Variants in B4GALT5 observed in about 807,000 individuals in gnomAD.
B4GALT5 encodes beta-1,4-galactosyltransferase 5, also known as UDP-Gal:beta-GlcNAc beta-1,4-galactosyltransferase 5.
In B4GALT5, 11 loss-of-function variants were observed where a neutral mutation model predicts 45.0. The ratio of observed to expected loss-of-function variants is 0.24; its 90% CI spans 0.15 to 0.40. The LOEUF (loss-of-function observed/expected upper bound fraction) is 0.40, where lower values mean the gene tolerates loss of function less well. Ranked by LOEUF, B4GALT5 falls within the 10% of genes least tolerant of loss-of-function variation. The pLI is 1.00. For missense variants in B4GALT5, 337 were observed against 500.2 expected, an observed-to-expected ratio of 0.67 and a Z score of 3.11; for synonymous variants, 185 against 182.9, an observed-to-expected ratio of 1.01 and a Z score of -0.09.
intron 3 of B4GALT5, among the ~76,000 whole-genome samples, chr20:49,643,941 T>C (rs1161489676): frequency 7.0e-6 from 1 of 143,618 alleles, no homozygotes; most frequent in Non-Finnish European, 1.5e-5. Flanking sequence ...TTTTTTTTTT[T>C]TTTTTTTGAG....
chr20:49,692,422 G>GCAT (rs1357716915), intron 1 of B4GALT5, among the ~76,000 whole-genome samples: 2 of 152,026 alleles, frequency 1.3e-5, no homozygotes, highest in African/African-American at 4.8e-5. Flanking sequence ...AGCTATGATC[G>GCAT]CATCACTGCA....
In B4GALT5 at chr20:49,634,357, T is replaced by C. The variant is rs566479278; in HGVS notation, c.*1955A>G. 6.6e-6 allele frequency: 1 copy of C among 152,282 alleles called. No homozygotes were observed. The highest frequency in any genetic ancestry group is 1.5e-5 in the Non-Finnish European group (1 of 67,996). The allele number at this position is 152,282 out of a possible 1,614,324, so 9.4% of individuals were successfully genotyped here. A position where few individuals can be genotyped will look rare whatever the true frequency, so the allele number is the denominator to read the frequency against. On this transcript the variant is annotated 3_prime_UTR_variant, in exon 9 of 9. Transcript: ENST00000371711. ...ATGTAAACTATGAAAATCAAGGAAGTTGAAGGCAAACAAGGCAATTAAAAA... is the reference window on the plus strand; with the variant it reads ...ATGTAAACTATGAAAATCAAGGAAGCTGAAGGCAAACAAGGCAATTAAAAA...
At chr20:49,666,282 C>G (rs1410687511) in intron 1 of B4GALT5, among the ~76,000 whole-genome samples, 3 of 152,216 alleles carry the variant, frequency 2.0e-5, no homozygotes, top group Non-Finnish European at 4.4e-5. Context: ...ACCACATCTC[C>G]ATGGCATGTA....
chr20:49,637,178 A>G (rs1198273231), intron 8 of B4GALT5, among the ~76,000 whole-genome samples, 163 bp downstream of exon 8: 4 of 152,142 alleles, frequency 2.6e-5, no homozygotes, highest in Non-Finnish European at 4.4e-5. Context: ...TGATCCCCAC[A>G]CTGTTCTGCC....
In B4GALT5 at chr20:49,699,201, C is replaced by G. The variant is rs2085851311; in HGVS notation, c.115+14375G>C. ...GACAATGACAATCAGTACTGATTGC[C>G]TTATGTTTATCAACTTTTTCATCTA... is the stretch of plus-strand genomic sequence containing the variant. On this transcript the variant is annotated intron_variant, in intron 1 of 8. Coordinates refer to ENST00000371711, the MANE Select transcript of B4GALT5 (RefSeq NM_004776.4). 2.6e-5 allele frequency among the ~76,000 whole-genome samples: 4 copies of G among 152,106 alleles called. 1 individual carries two copies. In the South Asian group the frequency reaches 8.3e-4, roughly 32 times the overall value.
chr20:49,640,129 C>T (rs952745799), intron 6 of B4GALT5, among the ~76,000 whole-genome samples: 2 of 152,170 alleles, frequency 1.3e-5, no homozygotes, highest in Non-Finnish European at 2.9e-5. Context: ...TTAGCAATCA[C>T]CCCCTGCTCC....
chr20:49,665,080 G>T (rs1396091959), intron 1 of B4GALT5, among the ~76,000 whole-genome samples: 1 of 152,096 alleles, frequency 6.6e-6, no homozygotes, highest in Non-Finnish European at 1.5e-5. Flanking sequence ...AAAGTAAAGT[G>T]GCCACTTACT....
intron 1 of B4GALT5, among the ~76,000 whole-genome samples, chr20:49,706,599 T>A (rs975143210): frequency 1.3e-5 from 2 of 152,206 alleles, no homozygotes; most frequent in Non-Finnish European, 2.9e-5. Flanking sequence ...CTCACAATTT[T>A]CTACAAAACA....
chr20:49,683,928 G>A (rs910120810), intron 1 of B4GALT5, among the ~76,000 whole-genome samples: 3 of 150,056 alleles, frequency 2.0e-5, no homozygotes, highest in Non-Finnish European at 4.4e-5. Flanking sequence ...ATCACTTGAG[G>A]TCAGAAGTTT....
chr20:49,655,988 T>A (rs897196498), intron 2 of B4GALT5, among the ~76,000 whole-genome samples: 1 of 151,810 alleles, frequency 6.6e-6, no homozygotes, highest in Non-Finnish European at 1.5e-5. Flanking sequence ...ATGCTATAGT[T>A]TAAATGTCTG....
chr20:49,647,245 A>C (rs1281638034), intron 2 of B4GALT5, among the ~76,000 whole-genome samples, 167 bp from the exon 3 acceptor site: 1 of 152,200 alleles, frequency 6.6e-6, no homozygotes, highest in African/African-American at 2.4e-5. Flanking sequence ...CCATCAATAA[A>C]AATGTCAGCC....
Position 49,659,511 on chromosome 20 carries a change from ATAAATTAAC to A in B4GALT5, c.116-2818_116-2810del, listed in dbSNP as rs1163308232. Among the ~76,000 whole-genome samples the A allele has an allele frequency of 6.6e-4, 100 of 152,354 alleles. 1 individual carries two copies. Among genetic ancestry groups the A allele is most frequent in the Non-Finnish European group, 1.8e-4 (12 of 68,036 alleles). ...TCGTGTTAGTCTCGTCATTCAACTA[ATAAATTAAC>A]GTAAACCACATAGTATTTTTTTTTC... On this transcript the variant is annotated intron_variant, in intron 1 of 8. Coordinates refer to ENST00000371711, the MANE Select transcript of B4GALT5 (RefSeq NM_004776.4).
chr20:49,636,935 C>CACACACACACAAAG (rs1174696775), intron 8 of B4GALT5, among the ~76,000 whole-genome samples: 1 of 151,624 alleles, frequency 6.6e-6, no homozygotes. Flanking sequence ...CACACACACA[C>CACACACACACAAAG]AAAGAAAGAA....
At position 49,713,821 on chromosome 20, in the gene B4GALT5, TCGC is replaced by T. The variant is rs1036220837; in HGVS notation, c.-134_-132del. ...CCTCCCGGGCCTCGCGGGCCGCCAC[TCGC>T]CGCCGCCGCCGCCTCGCCGCTCCCA... is the stretch of plus-strand genomic sequence containing the variant. On this transcript the variant is annotated 5_prime_UTR_variant, in exon 1 of 9. Transcript: ENST00000371711. 10 of 154,488 alleles carry T rather than the reference TCGC, an allele frequency of 6.5e-5. No individual in the cohort carries two copies. Among genetic ancestry groups the T allele is most frequent in the South Asian group, 3.5e-4 (2 of 5,740 alleles). 9.6% of individuals were successfully genotyped at this position (154,488 alleles called of 1,614,324 possible).
At chr20:49,656,759 A>T in intron 1 of B4GALT5, 57 bp from the exon 2 acceptor site, 1 of 1,600,590 alleles carries the variant, frequency 6.2e-7, no homozygotes, top group Non-Finnish European at 8.5e-7. Context: ...ATTTAAAAAA[A>T]CATACCACAT....
At chr20:49,710,066 G>GTA (rs2085901232) in intron 1 of B4GALT5, among the ~76,000 whole-genome samples, 1 of 152,180 alleles carries the variant, frequency 6.6e-6, no homozygotes, top group South Asian at 2.1e-4. Flanking sequence ...CTGGGTTACA[G>GTA]TATACATGGA....
At chr20:49,695,895 G>A (rs2085837781) in intron 1 of B4GALT5, among the ~76,000 whole-genome samples, 1 of 152,198 alleles carries the variant, frequency 6.6e-6, no homozygotes, top group South Asian at 2.1e-4. Flanking sequence ...CAACAACTCA[G>A]AAGCAAAGAA....
chr20:49,636,417 A>G lies in B4GALT5; in HGVS notation c.1062T>C (p.Asp354=). 2 of 1,614,150 alleles carry G rather than the reference A, an allele frequency of 1.2e-6. No individual in the cohort carries two copies. The highest frequency in any genetic ancestry group is 1.7e-6 in the Non-Finnish European group (2 of 1,180,016). The change falls in exon 9 of 9, where the codon GAT becomes GAC. Residue 354 remains aspartate (D), a synonymous_variant. Transcript: ENST00000371711. The stretch of plus-strand genomic sequence containing the variant: ...CAAAGTAGTTCAGGTTGTTGAGGCC[A>G]TCCAGCCCTTGCCGTTCTTTTGACT... ...LRKSKERQGL[D]GLNNLNYFAN...
intron 1 of B4GALT5, among the ~76,000 whole-genome samples, chr20:49,700,051 A>G (rs1345807300): frequency 6.6e-6 from 1 of 152,126 alleles, no homozygotes; most frequent in Non-Finnish European, 1.5e-5. Context: ...AAAGACTCAA[A>G]AGAATGTAAC....
Sources: allele counts gnomAD v4.1 joint callset (sites outside exome capture counted in the v4.1 genomes callset), GRCh38; gene constraint gnomAD v4.1.1; transcripts MANE v1.5; gene names NCBI Gene and HGNC (gene_info 2026-07-23, HGNC 2026-07-21).